Variants in BAZ1B observed in about 807,000 individuals in gnomAD.
BAZ1B encodes the protein tyrosine-protein kinase BAZ1B.
A neutral mutation model predicts 153.8 loss-of-function variants in BAZ1B; 22 were observed. The observed-to-expected ratio is 0.14, with a 90% confidence interval of 0.10 to 0.20. The LOEUF is 0.20. BAZ1B is among the 10% of genes least tolerant of loss of function. BAZ1B has a pLI of 1.00. For synonymous variants in BAZ1B, 676 were observed against 633.4 expected (o/e 1.07, Z -1.01); for missense variants, 1,325 against 1,799.3 (o/e 0.74, Z 4.77).
intron 4 of BAZ1B, among the ~76,000 whole-genome samples, chr7:73,493,171 C>G (rs1554575788): frequency 2.0e-5 from 3 of 152,206 alleles, no homozygotes; most frequent in Non-Finnish European, 4.4e-5. Context: ...AAGAAAAACA[C>G]TATGAGAGGC....
chr7:73,489,887 A>G (rs1432966401), intron 5 of BAZ1B, among the ~76,000 whole-genome samples: 1 of 152,234 alleles, frequency 6.6e-6, no homozygotes, highest in East Asian at 1.9e-4. Flanking sequence ...TTTTCTAAAA[A>G]TATGTATACC....
rs549183487 is a variant in BAZ1B, at chr7:73,472,942, CT to C, written c.2594-2460del. ...ACAGGCACCACCACACCCAGCTGAT[CT>C]TTTTTTTTTTTTAAAAAAGACAAGA... On this transcript the variant is annotated intron_variant, in intron 7 of 19. Coordinates refer to ENST00000339594, the MANE Select transcript of BAZ1B (RefSeq NM_032408.4). 9.0e-3 allele frequency among the ~76,000 whole-genome samples: 1,270 copies of C among 140,866 alleles called. 8 individuals are homozygous for C. The highest frequency in any genetic ancestry group is 0.028 in the African/African-American group (1,072 of 38,472). 92.4% of individuals were successfully genotyped at this position (140,866 alleles called of 152,430 possible).
At chr7:73,509,989 T>C (rs952702841) in intron 2 of BAZ1B, among the ~76,000 whole-genome samples, 6 of 149,728 alleles carry the variant, frequency 4.0e-5, no homozygotes, top group African/African-American at 1.5e-4. Context: ...TAGCCAGGCG[T>C]GGTGGTGAGC....
At chr7:73,511,046 C>T (rs1298258764) in intron 1 of BAZ1B, among the ~76,000 whole-genome samples, 194 bp from the exon 2 acceptor site, 1 of 152,000 alleles carries the variant, frequency 6.6e-6, no homozygotes, top group African/African-American at 2.4e-5. Flanking sequence ...CCGAGGCGGG[C>T]GGATCACGAG....
At chr7:73,445,021 GA>G (rs879982163) in intron 16 of BAZ1B, among the ~76,000 whole-genome samples, 1 of 76,308 alleles carries the variant, frequency 1.3e-5, no homozygotes. Flanking sequence ...TCTCACAAAA[GA>G]AAAAAAACAC....
chr7:73,455,438 C>T (rs1402432896), intron 13 of BAZ1B, among the ~76,000 whole-genome samples: 2 of 152,132 alleles, frequency 1.3e-5, no homozygotes, highest in Non-Finnish European at 2.9e-5. Context: ...AATGGAGCTG[C>T]TAGTTATTCT....
intron 11 of BAZ1B, among the ~76,000 whole-genome samples, chr7:73,465,088 T>C (rs146542899): frequency 3.3e-3 from 508 of 152,250 alleles, no homozygotes; most frequent in Middle Eastern, 0.014. Flanking sequence ...GTCATTGCCG[T>C]TGTTTCCACC....
At chr7:73,486,660 C>T (rs533804326) in intron 6 of BAZ1B, among the ~76,000 whole-genome samples, 1 of 152,274 alleles carries the variant, frequency 6.6e-6, no homozygotes, top group Admixed American at 6.5e-5. Flanking sequence ...ACTCTCTTTA[C>T]ACCTGGTCTC....
intron 9 of BAZ1B, among the ~76,000 whole-genome samples, chr7:73,468,473 C>T (rs1490472179): frequency 2.6e-5 from 4 of 151,736 alleles, no homozygotes; most frequent in African/African-American, 7.3e-5. Flanking sequence ...GTTGAGAAAA[C>T]CTGACCTAAC....
chr7:73,512,730 A>G (rs1790639070), intron 1 of BAZ1B, among the ~76,000 whole-genome samples: 1 of 152,248 alleles, frequency 6.6e-6, no homozygotes, highest in Non-Finnish European at 1.5e-5. Flanking sequence ...AAGTTAGTGA[A>G]CAATACCTGT....
At chr7:73,492,164 T>G (rs373103604) in intron 5 of BAZ1B, among the ~76,000 whole-genome samples, 8 of 150,884 alleles carry the variant, frequency 5.3e-5, no homozygotes, top group East Asian at 1.9e-4. Flanking sequence ...GGCAAATTTT[T>G]TTTTGTTTTG....
intron 3 of BAZ1B, among the ~76,000 whole-genome samples, chr7:73,502,664 G>A (rs1226554235): frequency 6.6e-6 from 1 of 152,134 alleles, no homozygotes; most frequent in African/African-American, 2.4e-5. Context: ...TACAGTCCCA[G>A]CTACTTGGGA....
In BAZ1B at chr7:73,521,810, C is replaced by T. The variant is rs1554580267; in HGVS notation, c.107+17G>A. On this transcript the variant is annotated intron_variant, in intron 1 of 19. Transcript: ENST00000339594. Reference sequence around the variant, plus strand: ...CCAGCCCGGCCCAGCCCGGCCCGCGCGGCTGGAAAAGGATACTCCCGGGTG... The same window carrying T: ...CCAGCCCGGCCCAGCCCGGCCCGCGTGGCTGGAAAAGGATACTCCCGGGTG... The T allele has an allele frequency of 3.4e-6, 5 of 1,486,430 alleles. No individual in the cohort carries two copies. The highest frequency in any genetic ancestry group is 3.6e-6 in the Non-Finnish European group (4 of 1,111,796). 92.1% of individuals were successfully genotyped at this position (1,486,430 alleles called of 1,614,324 possible).
At position 73,477,029 on chromosome 7, in the gene BAZ1B, A is replaced by G; in HGVS notation, c.2432T>C (p.Val811Ala). 1 of 1,613,928 alleles carries G rather than the reference A, an allele frequency of 6.2e-7. No individual in the cohort carries two copies. The highest frequency in any genetic ancestry group is 1.1e-5 in the South Asian group (1 of 91,070). Reference sequence around the variant, plus strand: ...ATCAGTTTTGCCTAACCCATTCTCAACTTTTCCATTTTCTTTATTTTTGGC... The same window carrying G: ...ATCAGTTTTGCCTAACCCATTCTCAGCTTTTCCATTTTCTTTATTTTTGGC... ...MEAKNKENGK[V>A]ENGLGKTDRK... is the part of the protein sequence containing the mutation. Residue 811 changes from valine to alanine, a missense_variant, in exon 7 of 20, where the codon GTT (valine) becomes GCT (alanine). Transcript: ENST00000339594. The surrounding 1 kb of genome is among the most constrained non-coding windows in gnomAD (Gnocchi z 5.6).
intron 4 of BAZ1B, among the ~76,000 whole-genome samples, chr7:73,494,321 T>C (rs1417014323): frequency 6.6e-6 from 1 of 152,056 alleles, no homozygotes; most frequent in Non-Finnish European, 1.5e-5. Context: ...AGGTGGAGGT[T>C]GCAGTGAGCC....
At chr7:73,470,762 G>A (rs1554571891) in intron 7 of BAZ1B, among the ~76,000 whole-genome samples, 1 of 152,132 alleles carries the variant, frequency 6.6e-6, no homozygotes, top group Admixed American at 6.5e-5. Flanking sequence ...TTGAGGCAGA[G>A]TCTTGCTCTG....
intron 1 of BAZ1B, among the ~76,000 whole-genome samples, chr7:73,520,938 T>G (rs1791010699): frequency 6.6e-6 from 1 of 151,936 alleles, no homozygotes; most frequent in African/African-American, 2.4e-5. Context: ...TCAAAAACGA[T>G]TCTTCTGGCA....
At position 73,480,974 on chromosome 7, in the gene BAZ1B, C is replaced by T. The variant is rs1209386847; in HGVS notation, c.892-2405G>A. On this transcript the variant is annotated intron_variant, in intron 6 of 19. Transcript: ENST00000339594. ...TGGAGTCTCGCTCTGTCTCCCAGTC[C>T]GGAGTGCAGTAGCGCAATCCTGGCT... is the stretch of plus-strand genomic sequence containing the variant. Among the ~76,000 whole-genome samples the T allele has an allele frequency of 1.3e-5, 2 of 151,964 alleles. 1 individual carries two copies. The highest frequency in any genetic ancestry group is 2.9e-5 in the Non-Finnish European group (2 of 67,996).
intron 9 of BAZ1B, 52 bp downstream of exon 9, chr7:73,469,465 T>G: frequency 3.7e-6 from 6 of 1,601,478 alleles, no homozygotes; most frequent in African/African-American, 1.3e-5. Flanking sequence ...TCCTTAATGT[T>G]GAGCCCACTT....
Sources: allele counts gnomAD v4.1 joint callset (sites outside exome capture counted in the v4.1 genomes callset), GRCh38; gene constraint gnomAD v4.1.1; non-coding constraint Gnocchi (gnomAD v3.1); transcripts MANE v1.5; gene names NCBI Gene and HGNC (gene_info 2026-07-23, HGNC 2026-07-21).